POLRMT: variants seen among roughly 807,000 people sequenced by gnomAD.
The protein encoded by POLRMT is DNA-directed RNA polymerase, mitochondrial.
POLRMT carries 114 observed loss-of-function variants against 132.2 expected under a neutral mutation model. That is an observed-to-expected ratio of 0.86 (90% CI 0.74 to 1.01). The LOEUF is 1.01. Ranked by LOEUF, POLRMT falls within the 50% of genes least tolerant of loss-of-function variation. POLRMT has a pLI of 0.00. For synonymous variants in POLRMT, 1,020 were observed against 773.4 expected, an observed-to-expected ratio of 1.32 and a Z score of -5.29; for missense variants, 2,003 against 1,729.1, an observed-to-expected ratio of 1.16 and a Z score of -2.81.
chr19:633,303 T>A (rs756638606), intron 1 of POLRMT, 122 bp downstream of exon 1: 1 of 1,214,668 alleles, frequency 8.2e-7, no homozygotes, highest in African/African-American at 1.6e-5. Context: ...CGGGGCCGGG[T>A]CGGTGGGCTG....
intron 2 of POLRMT, 78 bp from the exon 3 acceptor site, chr19:630,246 G>A (rs1386942156): frequency 6.7e-7 from 1 of 1,487,584 alleles, no homozygotes; most frequent in African/African-American, 1.4e-5. Flanking sequence ...CCCTGAGCCA[G>A]GCCAGGAGGT....
chr19:622,463 T>C (rs1051571094), intron 8 of POLRMT, 90 bp from the exon 9 acceptor site: 1 of 1,464,634 alleles, frequency 6.8e-7, no homozygotes, highest in Non-Finnish European at 9.1e-7. Context: ...GGGGCATCTG[T>C]CAGCCCAAGC....
intron 11 of POLRMT, 104 bp from the exon 12 acceptor site, chr19:620,184 C>T: frequency 6.7e-7 from 1 of 1,488,678 alleles, no homozygotes; most frequent in South Asian, 1.3e-5. Flanking sequence ...CGTGCACCCC[C>T]CAGCCAAGTG....
chr19:632,292 C>CGCAGACAGGATGTGGGACAGAAGCA (rs1568178457), intron 2 of POLRMT, among the ~76,000 whole-genome samples: 8 of 152,214 alleles, frequency 5.3e-5, no homozygotes, highest in African/African-American at 1.7e-4. Flanking sequence ...GCCTAATGGA[C>CGCAGACAGGATGTGGGACAGAAGCA]GCAGACAGGA....
At position 629,722 on chromosome 19, in the gene POLRMT, G is replaced by A; in HGVS notation, c.640C>T (p.His214Tyr). ...LDVEQAPSGQHSQAQLSGQQQ... is the reference protein window; with the variant it reads ...LDVEQAPSGQYSQAQLSGQQQ... ...TGACCTGAGAGCTGGGCCTGCGAGT[G>A]CTGCCCCGACGGGGCCTGCTCCACA... Residue 214 changes from histidine to tyrosine, a missense_variant, in exon 3 of 21, where the codon CAC (histidine) becomes TAC (tyrosine). Transcript: ENST00000588649. 1.3e-6 allele frequency: 2 copies of A among 1,590,158 alleles called. No individual in the cohort carries two copies. The highest frequency in any genetic ancestry group is 1.7e-6 in the Non-Finnish European group (2 of 1,169,170).
chr19:621,981 C>G (rs559707719), intron 9 of POLRMT, 135 bp from the exon 10 acceptor site: 2 of 1,240,372 alleles, frequency 1.6e-6, no homozygotes, highest in Admixed American at 5.1e-5. Flanking sequence ...CAGAAGCCAC[C>G]TCCAGAAACG....
chr19:618,976 G>A, intron 15 of POLRMT, 21 bp downstream of exon 15: 2 of 1,533,110 alleles, frequency 1.3e-6, no homozygotes, highest in Middle Eastern at 2.3e-4. Flanking sequence ...ACACTGGGGA[G>A]GGATGGGGTG....
chr19:618,651 C>A, intron 16 of POLRMT, 54 bp downstream of exon 16: 1 of 1,601,844 alleles, frequency 6.2e-7, no homozygotes, highest in South Asian at 1.1e-5. Flanking sequence ...GCTGTCTCCA[C>A]CGTGGCTGCT....
chr19:617,694 A>T (rs1279533177), intron 18 of POLRMT, 39 bp from the exon 19 acceptor site: 1 of 1,610,914 alleles, frequency 6.2e-7, no homozygotes, highest in Non-Finnish European at 8.5e-7. Flanking sequence ...GTGATCAGGC[A>T]GGCTCTGGGC....
In POLRMT at chr19:622,925, C is replaced by T; in HGVS notation, c.1351G>A (p.Glu451Lys). The T allele has an allele frequency of 6.2e-7, 1 of 1,612,844 alleles. No homozygotes were observed. The highest frequency in any genetic ancestry group is 8.5e-7 in the Non-Finnish European group (1 of 1,179,888). The change falls in exon 7 of 21, where the codon GAG (glutamate) becomes AAG (lysine). Residue 451 changes from glutamate (E) to lysine (K), a missense_variant. Coordinates refer to ENST00000588649, the MANE Select transcript of POLRMT (RefSeq NM_005035.4). ...TCGCGCTCTAGGCGGTTCTTGGTCT[C>T]CCGCAGCGCCCGGCACAGTGCTTTC... ...WEKALCRALR[E>K]TKNRLEREVY... is the part of the protein sequence containing the mutation.
At chr19:622,051 G>GCGCTGAGATCAAGGCTC (rs1336211368) in intron 9 of POLRMT, 98 bp downstream of exon 9, 1 of 1,244,590 alleles carries the variant, frequency 8.0e-7, no homozygotes, top group African/African-American at 1.5e-5. Flanking sequence ...ACTGACGGCT[G>GCGCTGAGATCAAGGCTC]CGCTGAGATC....
At chr19:633,053 C>T (rs554273812) in intron 1 of POLRMT, 115 bp from the exon 2 acceptor site, 2 of 744,024 alleles carry the variant, frequency 2.7e-6, no homozygotes, top group African/African-American at 1.9e-5. Context: ...CGGAAACTCT[C>T]GGAGCACGGG....
intron 3 of POLRMT, 37 bp downstream of exon 3, chr19:629,503 G>C: frequency 1.4e-6 from 2 of 1,473,788 alleles, no homozygotes; most frequent in Non-Finnish European, 1.8e-6. Context: ...TGTCTCCAAC[G>C]ACCAGGGCAG....
intron 5 of POLRMT, among the ~76,000 whole-genome samples, chr19:624,275 T>C (rs767026654): frequency 7.2e-5 from 11 of 151,850 alleles, no homozygotes; most frequent in Non-Finnish European, 1.6e-4. Flanking sequence ...CATCCACAGA[T>C]GGGGAGGGGA....
Position 629,937 on chromosome 19 carries a change from G to C in POLRMT, c.425C>G (p.Ala142Gly). The change falls in exon 3 of 21, where the codon GCG (alanine) becomes GGG (glycine). Residue 142 changes from alanine (A) to glycine (G), a missense_variant. Physicochemically the swap from Ala to Gly is moderately conservative, Grantham distance 60. Transcript: ENST00000588649. Reference sequence around the variant, plus strand: ...GCTCTGGAATGGCATCTGCAGCTTCGCCTTCAACCGCTGCATACGCATCTG... The same window carrying C: ...GCTCTGGAATGGCATCTGCAGCTTCCCCTTCAACCGCTGCATACGCATCTG... ...TQQMRMQRLK[A>G]KLQMPFQSGE... 2.5e-6 allele frequency: 4 copies of C among 1,613,682 alleles called. No individual in the cohort carries two copies. Among genetic ancestry groups the C allele is most frequent in the Non-Finnish European group, 3.4e-6 (4 of 1,180,016 alleles).
Position 629,659 on chromosome 19 carries a change from G to A in POLRMT, c.703C>T (p.Leu235Phe), listed in dbSNP as rs756594124. The change falls in exon 3 of 21, where the codon CTC becomes TTC. Residue 235 changes from leucine to phenylalanine, a missense_variant. Physicochemically the swap from Leu to Phe is conservative, Grantham distance 22. Coordinates refer to ENST00000588649, the MANE Select transcript of POLRMT (RefSeq NM_005035.4). ...TGGGCGAGGGGCAGCTGGTCAGTGA[G>A]CAGGCAGCACTTGAAGAAGGCCAGG... ...RLLAFFKCCL[L>F]TDQLPLAHHL... 6 of 1,610,422 alleles carry A rather than the reference G, an allele frequency of 3.7e-6. No individual in the cohort carries two copies. In the South Asian group the frequency reaches 6.6e-5, roughly 18 times the overall value.
intron 5 of POLRMT, among the ~76,000 whole-genome samples, chr19:624,127 C>A (rs565279519): frequency 2.6e-5 from 4 of 152,226 alleles, no homozygotes; most frequent in Admixed American, 2.6e-4. Context: ...CGGCCATCCA[C>A]GCACCGGAGC....
chr19:633,325 G>T, intron 1 of POLRMT, 100 bp downstream of exon 1: 1 of 1,329,916 alleles, frequency 7.5e-7, no homozygotes, highest in Non-Finnish European at 9.8e-7. Flanking sequence ...GCACGCCCAG[G>T]TGCAAAGAGG....
chr19:621,905 C>T (rs1984642431), intron 9 of POLRMT, 59 bp from the exon 10 acceptor site: 18 of 1,562,578 alleles, frequency 1.2e-5, no homozygotes, highest in Non-Finnish European at 1.6e-5. Flanking sequence ...CTGTTCCCAC[C>T]CCTTAAACTT....
Sources: allele counts gnomAD v4.1 joint callset (sites outside exome capture counted in the v4.1 genomes callset), GRCh38; gene constraint gnomAD v4.1.1; transcripts MANE v1.5; gene names NCBI Gene and HGNC (gene_info 2026-07-23, HGNC 2026-07-21).